CWH43: variants seen among roughly 807,000 people sequenced by gnomAD.
CWH43 encodes PGAP2-interacting protein.
In CWH43, 91 loss-of-function variants were observed where a neutral mutation model predicts 85.7. The observed-to-expected ratio is 1.06, with a 90% CI of 0.90 to 1.26. The LOEUF is 1.26. CWH43 is among the 50% of genes most tolerant of loss of function. The pLI is 0.00. For synonymous variants in CWH43, 323 were observed against 293.6 expected, an observed-to-expected ratio of 1.10 and a Z score of -1.02; for missense variants, 869 against 839.2, an observed-to-expected ratio of 1.04 and a Z score of -0.44.
At chr4:48,999,136 C>A (rs1782911189) in intron 6 of CWH43, among the ~76,000 whole-genome samples, 2 of 152,120 alleles carry the variant, frequency 1.3e-5, no homozygotes, top group African/African-American at 4.8e-5. Context: ...TGTCCATGTG[C>A]TCTCATCATT....
At chr4:49,036,296 A>C (rs77663621) in intron 12 of CWH43, among the ~76,000 whole-genome samples, 80 of 152,298 alleles carry the variant, frequency 5.3e-4, no homozygotes, top group African/African-American at 1.8e-3. Flanking sequence ...CAGGGCATAG[A>C]GAAAGGACAG....
chr4:49,043,930 T>C (rs1360407038), intron 13 of CWH43, among the ~76,000 whole-genome samples: 1 of 152,030 alleles, frequency 6.6e-6, no homozygotes. Context: ...TAGACATCCA[T>C]GTGTCTACCA....
At chr4:49,046,966 G>A (rs1332211715) in intron 14 of CWH43, among the ~76,000 whole-genome samples, 1 of 152,128 alleles carries the variant, frequency 6.6e-6, no homozygotes, top group Non-Finnish European at 1.5e-5. Flanking sequence ...GGACAATGTG[G>A]GGAGCCCTGG....
At chr4:49,020,416 C>CACACACACACACACATATATAT (rs140534523) in intron 9 of CWH43, among the ~76,000 whole-genome samples, 4 of 128,392 alleles carry the variant, frequency 3.1e-5, no homozygotes, top group Admixed American at 2.7e-4. Context: ...CACACACACA[C>CACACACACACACACATATATAT]ATATATATAT....
chr4:49,039,074 AAATT>A (rs1560508764), intron 13 of CWH43, among the ~76,000 whole-genome samples: 2 of 88,050 alleles, frequency 2.3e-5, no homozygotes, highest in Non-Finnish European at 3.0e-5. Flanking sequence ...ATATATAAAT[AAATT>A]AAATAAATAA....
intron 9 of CWH43, among the ~76,000 whole-genome samples, chr4:49,017,836 C>T (rs1454973756): frequency 2.6e-5 from 4 of 151,026 alleles, no homozygotes; most frequent in African/African-American, 9.7e-5. Context: ...AGGTGCTACA[C>T]ATTTTTTTTT....
Position 49,039,321 on chromosome 4 carries a change from A to ATATATATATATATG in CWH43, c.1803+1153_1803+1154insTGTATATATATATA, listed in dbSNP as rs1262883911. ...TCAGGAGACTGATATATATATATAT[A>ATATATATATATATG]TATATATATATACTGATGTATATAT... On this transcript the variant is annotated intron_variant, in intron 13 of 15. Transcript: ENST00000226432. Among the ~76,000 whole-genome samples, 20 of 22,448 alleles carry ATATATATATATATG rather than the reference A, an allele frequency of 8.9e-4. 4 individuals carry two copies. The highest frequency in any genetic ancestry group is 3.0e-3 in the Non-Finnish European group (18 of 5,968). 14.7% of individuals were successfully genotyped at this position (22,448 alleles called of 152,430 possible). A position where few individuals can be genotyped will look rare whatever the true frequency, so the allele number is the denominator to read the frequency against.
In CWH43 at chr4:48,991,441, A is replaced by G. The variant is rs1057416250; in HGVS notation, c.236-13A>G. 4.3e-6 allele frequency: 7 copies of G among 1,613,458 alleles called. No individual in the cohort carries two copies. Among genetic ancestry groups the G allele is most frequent in the African/African-American group, 4.0e-5 (3 of 74,884 alleles). On this transcript the variant is annotated splice_polypyrimidine_tract_variant and intron_variant, in intron 2 of 15. Transcript: ENST00000226432. Reference sequence around the variant, plus strand: ...TTGCCAGAAATGCTTAGCTCTCCCTATTTTGTTTGTAGGCAGCATAGCCTC... The same window carrying G: ...TTGCCAGAAATGCTTAGCTCTCCCTGTTTTGTTTGTAGGCAGCATAGCCTC...
At chr4:49,033,121 C>G (rs1014308153) in intron 12 of CWH43, among the ~76,000 whole-genome samples, 5 of 152,146 alleles carry the variant, frequency 3.3e-5, no homozygotes, top group African/African-American at 1.2e-4. Context: ...GTCCCAAACC[C>G]AGGGTTACAA....
At chr4:49,037,627 CT>C (rs1784299961) in intron 12 of CWH43, among the ~76,000 whole-genome samples, 1 of 151,806 alleles carries the variant, frequency 6.6e-6, no homozygotes, top group African/African-American at 2.4e-5. Flanking sequence ...CTGATGGGCT[CT>C]GTGAATGTCA....
chr4:49,023,452 G>T (rs1474193416), intron 9 of CWH43, among the ~76,000 whole-genome samples: 6 of 152,122 alleles, frequency 3.9e-5, no homozygotes, highest in Non-Finnish European at 5.9e-5. Flanking sequence ...TCGGCTCACT[G>T]CAACCTCTAC....
Position 49,003,798 on chromosome 4 carries a change from T to C in CWH43, c.866T>C (p.Val289Ala), listed in dbSNP as rs1303956550. The C allele has an allele frequency of 6.2e-7, 1 of 1,614,040 alleles. No homozygotes were observed. Among genetic ancestry groups the C allele is most frequent in the East Asian group, 2.2e-5 (1 of 44,876 alleles). ...HTWAAAVSGCVFAIFTASMWP... is the reference protein window; with the variant it reads ...HTWAAAVSGCAFAIFTASMWP... ...TGGGCAGCTGCTGTGTCTGGCTGTGTCTTCGCCATCTTTACTGCATCCATG... is the reference window on the plus strand; with the variant it reads ...TGGGCAGCTGCTGTGTCTGGCTGTGCCTTCGCCATCTTTACTGCATCCATG... Residue 289 changes from valine to alanine, a missense_variant, in exon 7 of 16, where the codon GTC becomes GCC. Val to Ala is a moderately conservative substitution (Grantham distance 64, BLOSUM62 0). This residue lies in a region of CWH43 where 577 missense variants were observed against 513.1 expected (regional missense o/e 1.12). Coordinates refer to ENST00000226432, the MANE Select transcript of CWH43 (RefSeq NM_025087.3).
intron 15 of CWH43, among the ~76,000 whole-genome samples, chr4:49,061,339 C>T (rs912401875): frequency 1.3e-5 from 2 of 152,160 alleles, no homozygotes; most frequent in African/African-American, 4.8e-5. Context: ...CAAGTCTTAG[C>T]TTTCTTCCTA....
At chr4:49,019,569 A>G (rs568669584) in intron 9 of CWH43, among the ~76,000 whole-genome samples, 1 of 151,780 alleles carries the variant, frequency 6.6e-6, no homozygotes, top group East Asian at 1.9e-4. Flanking sequence ...ATTATTTTTA[A>G]TGTCAATAGT....
chr4:49,037,975 T>C (rs991826403), intron 12 of CWH43, 61 bp from the exon 13 acceptor site: 3 of 1,494,314 alleles, frequency 2.0e-6, no homozygotes, highest in Non-Finnish European at 2.7e-6. Context: ...CTTAGGTACC[T>C]AAGGCTTTTT....
intron 13 of CWH43, among the ~76,000 whole-genome samples, chr4:49,042,453 G>A (rs968220945): frequency 8.5e-5 from 13 of 152,184 alleles, no homozygotes; most frequent in African/African-American, 3.1e-4. Context: ...AGGAAGATGA[G>A]TTCAGCTTTG....
intron 1 of CWH43, among the ~76,000 whole-genome samples, chr4:48,988,189 C>T (rs1462626373): frequency 6.6e-6 from 1 of 152,186 alleles, no homozygotes; most frequent in African/African-American, 2.4e-5. Flanking sequence ...TACAGATATA[C>T]TCAGTGTCAT....
At chr4:49,043,649 G>A (rs1425318269) in intron 13 of CWH43, among the ~76,000 whole-genome samples, 1 of 151,942 alleles carries the variant, frequency 6.6e-6, no homozygotes, top group African/African-American at 2.4e-5. Flanking sequence ...AAACTTTATA[G>A]CATCTTTATT....
intron 7 of CWH43, among the ~76,000 whole-genome samples, chr4:49,004,824 A>T (rs1189073994): frequency 1.3e-5 from 2 of 152,240 alleles, no homozygotes; most frequent in Non-Finnish European, 2.9e-5. Context: ...TTATAATTTA[A>T]TAAACTTAGC....
Sources: allele counts gnomAD v4.1 joint callset (sites outside exome capture counted in the v4.1 genomes callset), GRCh38; gene constraint gnomAD v4.1.1; regional missense constraint gnomAD v4.1.1; transcripts MANE v1.5; gene names NCBI Gene and HGNC (gene_info 2026-07-23, HGNC 2026-07-21).